Variants in GARRE1 observed in about 807,000 individuals in gnomAD.
The protein encoded by GARRE1 is granule associated Rac and RHOG effector protein 1.
GARRE1 carries 49 observed loss-of-function variants against 103.2 expected under a neutral mutation model. The observed-to-expected ratio is 0.47, with a 90% CI of 0.38 to 0.60. The LOEUF is 0.60. Ranked by LOEUF, GARRE1 falls within the 20% of genes least tolerant of loss-of-function variation. The pLI is 0.00. For missense variants in GARRE1, 1,199 were observed against 1,370.5 expected (o/e 0.87, Z 1.98); for synonymous variants, 505 against 532.8 (o/e 0.95, Z 0.72).
In GARRE1 at chr19:34,341,518, T is replaced by G. The variant is rs201908581; in HGVS notation, c.1584T>G (p.Ser528=). ...TGCCTTCTGGAAATGGAAACAAATC[T>G]TCAGGTGGCCTGCAGAAGACATTCT... ...ADLPSGNGNK[S]SGGLQKTFSK... The change falls in exon 10 of 14, where the codon TCT becomes TCG. Residue 528 remains serine, a synonymous_variant. Transcript: ENST00000299505. 21 of 1,613,990 alleles carry G rather than the reference T, an allele frequency of 1.3e-5. No individual in the cohort carries two copies. The African/African-American group carries it at 2.1e-4, about 16-fold the overall frequency.
At chr19:34,334,315 TA>T (rs1257393955) in intron 8 of GARRE1, among the ~76,000 whole-genome samples, 1 of 151,928 alleles carries the variant, frequency 6.6e-6, no homozygotes, top group Non-Finnish European at 1.5e-5. Flanking sequence ...TATTTTTTTT[TA>T]AAAAAAGCTC....
intron 2 of GARRE1, among the ~76,000 whole-genome samples, chr19:34,302,235 G>A (rs1228836326): frequency 1.4e-5 from 2 of 142,062 alleles, no homozygotes; most frequent in African/African-American, 2.7e-5. Context: ...CAGGTGATCC[G>A]CCCGCCTCAG....
chr19:34,307,775 A>G (rs2074016582), intron 2 of GARRE1, among the ~76,000 whole-genome samples: 1 of 135,680 alleles, frequency 7.4e-6, no homozygotes. Flanking sequence ...TATATATACT[A>G]TAAAATATAT....
chr19:34,280,625 T>C (rs990505246), intron 1 of GARRE1, among the ~76,000 whole-genome samples: 1 of 152,200 alleles, frequency 6.6e-6, no homozygotes, highest in Admixed American at 6.5e-5. Context: ...TTGCTAAGTC[T>C]GAACTCAGTA....
At chr19:34,288,124 C>G (rs2073897472) in intron 1 of GARRE1, among the ~76,000 whole-genome samples, 1 of 152,018 alleles carries the variant, frequency 6.6e-6, no homozygotes, top group African/African-American at 2.4e-5. Flanking sequence ...GTTGGACCAA[C>G]ACTAGGTACA....
intron 1 of GARRE1, among the ~76,000 whole-genome samples, chr19:34,290,127 C>T (rs972895652): frequency 4.6e-5 from 7 of 152,090 alleles, no homozygotes; most frequent in Non-Finnish European, 7.4e-5. Flanking sequence ...GAGGCTGAGG[C>T]AGGAGGATCG....
intron 7 of GARRE1, 27 bp from the exon 8 acceptor site, chr19:34,333,677 G>GGT: frequency 3.0e-6 from 2 of 673,616 alleles, no homozygotes; most frequent in Non-Finnish European, 4.9e-6. Context: ...GTTGTTATTT[G>GGT]TTTTTTTTTT....
At chr19:34,256,133 C>T (rs1490214212) in intron 1 of GARRE1, among the ~76,000 whole-genome samples, 3 of 151,860 alleles carry the variant, frequency 2.0e-5, no homozygotes, top group African/African-American at 7.3e-5. Flanking sequence ...GCCACCGTGT[C>T]CGGCCGTAAC....
intron 1 of GARRE1, among the ~76,000 whole-genome samples, chr19:34,274,901 C>T (rs1280773077): frequency 6.6e-6 from 1 of 152,142 alleles, no homozygotes; most frequent in Non-Finnish European, 1.5e-5. Flanking sequence ...CTGAATTTTC[C>T]AGGCATTTTC....
chr19:34,262,382 A>G (rs1599744580), intron 1 of GARRE1, among the ~76,000 whole-genome samples: 1 of 129,512 alleles, frequency 7.7e-6, no homozygotes, highest in Non-Finnish European at 1.5e-5. Flanking sequence ...TGCAACCTCC[A>G]CCTCCTGGGT....
chr19:34,267,418 C>T (rs1442499884), intron 1 of GARRE1, among the ~76,000 whole-genome samples: 1 of 152,084 alleles, frequency 6.6e-6, no homozygotes, highest in African/African-American at 2.4e-5. Context: ...GTTGCCCAGG[C>T]TGGTCTTGAG....
intron 1 of GARRE1, among the ~76,000 whole-genome samples, chr19:34,269,644 C>T (rs948624992): frequency 1.2e-4 from 18 of 152,076 alleles, no homozygotes; most frequent in Admixed American, 2.0e-4. Flanking sequence ...CTCACTGCAA[C>T]CATGAACACC....
chr19:34,323,672 C>T (rs557172673), intron 3 of GARRE1, among the ~76,000 whole-genome samples: 5 of 152,224 alleles, frequency 3.3e-5, no homozygotes, highest in Admixed American at 2.0e-4. Context: ...TTACAACCCT[C>T]GGTGTCCTCC....
intron 1 of GARRE1, among the ~76,000 whole-genome samples, chr19:34,279,788 A>G (rs1348789766): frequency 1.3e-5 from 2 of 151,782 alleles, no homozygotes; most frequent in East Asian, 1.9e-4. Context: ...GATTGAGACC[A>G]TCCCGGCTAA....
intron 1 of GARRE1, among the ~76,000 whole-genome samples, chr19:34,287,074 G>C (rs2073891529): frequency 6.6e-6 from 1 of 150,386 alleles, no homozygotes; most frequent in Admixed American, 6.7e-5. Context: ...AGGGGGCGGA[G>C]CTTGCAGTGA....
At chr19:34,310,863 G>C (rs1032844829) in intron 2 of GARRE1, among the ~76,000 whole-genome samples, 3 of 152,208 alleles carry the variant, frequency 2.0e-5, no homozygotes, top group Non-Finnish European at 4.4e-5. Context: ...CTAACTGAGA[G>C]CGCATCTGAG....
intron 13 of GARRE1, among the ~76,000 whole-genome samples, chr19:34,351,852 G>C (rs1223445975): frequency 6.6e-6 from 1 of 152,214 alleles, no homozygotes; most frequent in Non-Finnish European, 1.5e-5. Flanking sequence ...TGTAATCCCA[G>C]TGCTTTGGGA....
intron 7 of GARRE1, among the ~76,000 whole-genome samples, chr19:34,331,760 G>A (rs927390361): frequency 1.2e-4 from 19 of 152,190 alleles, no homozygotes; most frequent in Admixed American, 7.2e-4. Context: ...TTGGGAGGCC[G>A]AGGCAGGCAG....
chr19:34,338,131 T>G (rs2074169328), intron 8 of GARRE1, among the ~76,000 whole-genome samples: 1 of 152,164 alleles, frequency 6.6e-6, no homozygotes, highest in Non-Finnish European at 1.5e-5. Flanking sequence ...GCTACCTCCT[T>G]GAGTGACTTT....
Sources: allele counts gnomAD v4.1 joint callset (sites outside exome capture counted in the v4.1 genomes callset), GRCh38; gene constraint gnomAD v4.1.1; transcripts MANE v1.5; gene names NCBI Gene and HGNC (gene_info 2026-07-23, HGNC 2026-07-21).